The following FAT3 variants were observed in gnomAD, a reference collection of about 807,000 sequenced individuals.
FAT3 encodes FAT atypical cadherin 3.
A neutral mutation model predicts 310.2 loss-of-function variants in FAT3; 95 were observed. That is an observed-to-expected ratio of 0.31 (90% CI 0.26 to 0.36). FAT3 has a LOEUF of 0.36. Ranked by LOEUF, FAT3 falls within the 10% of genes least tolerant of loss-of-function variation. FAT3 has a pLI of 1.00. For synonymous variants in FAT3, 2,314 were observed against 2,192.9 expected, an observed-to-expected ratio of 1.06 and a Z score of -1.54; for missense variants, 5,408 against 5,715.6, an observed-to-expected ratio of 0.95 and a Z score of 1.74.
In FAT3 at chr11:92,565,246, T is replaced by A. The variant is rs1001700261; in HGVS notation, c.3607+40298T>A. On this transcript the variant is annotated intron_variant, in intron 3 of 27. Coordinates refer to ENST00000525166, the MANE Select transcript of FAT3 (RefSeq NM_001367949.2). ...CGGAAATACAAACTACCATCAGAGA[T>A]TACTACAAACACCTCTACGCAAATA... 3.3e-5 allele frequency among the ~76,000 whole-genome samples: 5 copies of A among 151,646 alleles called. No homozygotes were observed. The East Asian group carries it at 5.8e-4, about 18-fold the overall frequency.
chr11:92,822,814 C>T (rs911263753), intron 13 of FAT3, among the ~76,000 whole-genome samples: 5 of 152,198 alleles, frequency 3.3e-5, no homozygotes, highest in African/African-American at 1.2e-4. Context: ...TCAGCTTCTA[C>T]TGTTGTAAAC....
chr11:92,462,597 G>A (rs1374513647), intron 2 of FAT3, among the ~76,000 whole-genome samples: 4 of 152,160 alleles, frequency 2.6e-5, no homozygotes, highest in African/African-American at 7.2e-5. Flanking sequence ...ACCACCTAGA[G>A]AACTTCTTCC....
intron 1 of FAT3, among the ~76,000 whole-genome samples, chr11:92,301,801 C>T (rs1290470995): frequency 1.3e-5 from 2 of 151,892 alleles, no homozygotes; most frequent in Non-Finnish European, 2.9e-5. Flanking sequence ...CATAGTGGGT[C>T]TAGAGTGTTG....
intron 25 of FAT3, among the ~76,000 whole-genome samples, chr11:92,888,551 C>T (rs944823245): frequency 6.6e-6 from 1 of 152,212 alleles, no homozygotes; most frequent in African/African-American, 2.4e-5. Flanking sequence ...CTGATCACCT[C>T]TCCACAAGCC....
chr11:92,543,214 A>C (rs1954508338), intron 3 of FAT3, among the ~76,000 whole-genome samples: 1 of 152,094 alleles, frequency 6.6e-6, no homozygotes, highest in Admixed American at 6.5e-5. Context: ...ATTAATCAAC[A>C]TGTATAAAGT....
At chr11:92,552,839 A>T (rs1218080214) in intron 3 of FAT3, among the ~76,000 whole-genome samples, 1 of 152,104 alleles carries the variant, frequency 6.6e-6, no homozygotes, top group African/African-American at 2.4e-5. Flanking sequence ...AATCCCAGCT[A>T]CAGGGGAGTC....
chr11:92,840,483 T>C, intron 17 of FAT3, 79 bp from the exon 18 acceptor site: 1 of 1,252,308 alleles, frequency 8.0e-7, no homozygotes, highest in Non-Finnish European at 1.1e-6. Flanking sequence ...GTATTTTTGA[T>C]TTGTTTTGTT....
At chr11:92,880,209 G>T (rs1256131688) in intron 22 of FAT3, among the ~76,000 whole-genome samples, 1 of 150,838 alleles carries the variant, frequency 6.6e-6, no homozygotes, top group Non-Finnish European at 1.5e-5. Context: ...CCATTTCCCT[G>T]TGCCTTTGCC....
At chr11:92,439,712 T>A (rs142464372) in intron 2 of FAT3, among the ~76,000 whole-genome samples, 210 of 152,104 alleles carry the variant, frequency 1.4e-3, no homozygotes, top group African/African-American at 4.7e-3. Context: ...GCCCAGGAGT[T>A]TGAGACCAAC....
At chr11:92,559,542 G>T in intron 3 of FAT3, 1 of 294,972 alleles carries the variant, frequency 3.4e-6, no homozygotes, top group Non-Finnish European at 6.8e-6. Context: ...GCACCGCCAT[G>T]CCCAGCTACT....
At chr11:92,411,084 A>G (rs1565294636) in intron 2 of FAT3, among the ~76,000 whole-genome samples, 1 of 127,418 alleles carries the variant, frequency 7.8e-6, no homozygotes. Context: ...TATGAGAACT[A>G]TATAGATTAT....
chr11:92,368,891 T>C (rs991205622), intron 2 of FAT3, among the ~76,000 whole-genome samples: 2 of 123,762 alleles, frequency 1.6e-5, no homozygotes, highest in Non-Finnish European at 3.1e-5. Context: ...CACATATATA[T>C]ACACACACAC....
chr11:92,680,713 A>G (rs1163216013), intron 3 of FAT3, among the ~76,000 whole-genome samples: 1 of 152,234 alleles, frequency 6.6e-6, no homozygotes, highest in South Asian at 2.1e-4. Flanking sequence ...AAGTGCTTGC[A>G]ACACATCTCA....
chr11:92,453,072 C>T (rs1951403010), intron 2 of FAT3, among the ~76,000 whole-genome samples: 2 of 152,134 alleles, frequency 1.3e-5, no homozygotes, highest in African/African-American at 4.8e-5. Flanking sequence ...CTACACCTAG[C>T]CTGATATCCC....
chr11:92,821,891 A>C (rs916130132), intron 13 of FAT3, among the ~76,000 whole-genome samples: 1 of 152,144 alleles, frequency 6.6e-6, no homozygotes, highest in Non-Finnish European at 1.5e-5. Context: ...GGGCCATGAC[A>C]CTCTACGATT....
At chr11:92,633,999 G>A (rs1230747491) in intron 3 of FAT3, among the ~76,000 whole-genome samples, 1 of 152,192 alleles carries the variant, frequency 6.6e-6, no homozygotes, top group Non-Finnish European at 1.5e-5. Flanking sequence ...AGTATGTGCT[G>A]ATCATGGTAT....
chr11:92,801,306 A>G lies in FAT3; in HGVS notation c.8293A>G (p.Ile2765Val). ...IFVIEQETGT[I>V]KLDKRLDRET... ...CGTCATAGAACAGGAAACAGGCACT[A>G]TTAAGCTTGACAAACGCCTTGACCG... The change falls in exon 10 of 28, where the codon ATT becomes GTT. Residue 2765 changes from isoleucine (I) to valine (V), a missense_variant. Around this residue, in one of 5 missense-constraint regions of FAT3, gnomAD observed 4,588 missense variants for 4,809.8 expected, o/e 0.95. Transcript: ENST00000525166. 1.9e-6 allele frequency: 3 copies of G among 1,613,968 alleles called. No individual in the cohort carries two copies. The highest frequency in any genetic ancestry group is 2.5e-6 in the Non-Finnish European group (3 of 1,179,862).
intron 6 of FAT3, among the ~76,000 whole-genome samples, chr11:92,770,255 G>T (rs1946425696): frequency 6.6e-6 from 1 of 152,100 alleles, no homozygotes; most frequent in African/African-American, 2.4e-5. Flanking sequence ...AAAATAAGAA[G>T]AAGCCTAGAA....
At chr11:92,480,820 T>C (rs1952203748) in intron 2 of FAT3, among the ~76,000 whole-genome samples, 1 of 152,152 alleles carries the variant, frequency 6.6e-6, no homozygotes, top group Non-Finnish European at 1.5e-5. Context: ...ACCAGAAATG[T>C]CTAAATGAAT....
Sources: gnomAD v4.1 joint callset for allele counts (sites outside exome capture counted in the v4.1 genomes callset) on GRCh38, gnomAD v4.1.1 for gene constraint, gnomAD v4.1.1 regional missense constraint, MANE v1.5 for transcripts, NCBI Gene and HGNC (gene_info 2026-07-23, HGNC 2026-07-21) for gene names.